The following MAP1LC3B variants were observed in gnomAD, a reference collection of about 807,000 sequenced individuals.
The protein encoded by MAP1LC3B is microtubule-associated protein 1 light chain 3 beta.
Under a neutral mutation model 16.7 loss-of-function variants are expected in MAP1LC3B, and 12 were observed. The observed-to-expected ratio is 0.72, with a 90% CI of 0.46 to 1.16. The LOEUF (loss-of-function observed/expected upper bound fraction) is 1.16, where lower values mean the gene tolerates loss of function less well. Ranked by LOEUF, MAP1LC3B falls within the 50% of genes most tolerant of loss-of-function variation. MAP1LC3B has a pLI of 0.00. For missense variants in MAP1LC3B, 155 were observed against 159.5 expected, an observed-to-expected ratio of 0.97 and a Z score of 0.15; for synonymous variants, 63 against 56.5, an observed-to-expected ratio of 1.11 and a Z score of -0.51.
At chr16:87,400,613 TC>T (rs1305285461) in intron 2 of MAP1LC3B, among the ~76,000 whole-genome samples, 2 of 152,206 alleles carry the variant, frequency 1.3e-5, no homozygotes, top group Non-Finnish European at 2.9e-5. Context: ...TATAATTTTT[TC>T]ATGTCAACTA....
Position 87,392,395 on chromosome 16 carries a change from C to G in MAP1LC3B, c.-33C>G, listed in dbSNP as rs763524478. On this transcript the variant is annotated 5_prime_UTR_variant, in exon 1 of 4. Coordinates refer to ENST00000268607, the MANE Select transcript of MAP1LC3B (RefSeq NM_022818.5). ...CCGGGAGCCGCCGGGACCCTCGCGT[C>G]GTCGCCGCCGCCGCCGCCCAGATCC... is the stretch of plus-strand genomic sequence containing the variant. The G allele has an allele frequency of 1.1e-4, 149 of 1,416,414 alleles. 2 individuals are homozygous for G. The East Asian group carries it at 1.7e-3, about 16-fold the overall frequency. 87.7% of individuals were successfully genotyped at this position (1,416,414 alleles called of 1,614,324 possible). A position where few individuals can be genotyped will look rare whatever the true frequency, so the allele number is the denominator to read the frequency against.
chr16:87,393,308 C>G (rs924829125), intron 1 of MAP1LC3B: 2 of 152,220 alleles, frequency 1.3e-5, no homozygotes, highest in Non-Finnish European at 2.9e-5. Context: ...CAAGAGAACG[C>G]CGCAGATCCA....
chr16:87,402,172 C>T lies in MAP1LC3B; in HGVS notation c.97-3C>T. On this transcript the variant is annotated splice_polypyrimidine_tract_variant and splice_region_variant and intron_variant, in intron 2 of 3. Coordinates refer to ENST00000268607, the MANE Select transcript of MAP1LC3B (RefSeq NM_022818.5). ...TTAAAATCACTTCTGGCTTCTTTTC[C>T]AGGTGATAATAGAACGATACAAGGG... The T allele has an allele frequency of 6.2e-7, 1 of 1,613,858 alleles. No individual in the cohort carries two copies. The highest frequency in any genetic ancestry group is 2.2e-5 in the East Asian group (1 of 44,870).
chr16:87,402,977 C>G lies in MAP1LC3B; in HGVS notation c.258C>G (p.His86Gln). The change falls in exon 4 of 4, where the codon CAC becomes CAG. Residue 86 changes from histidine to glutamine, a missense_variant. Physicochemically the swap from His to Gln is conservative, Grantham distance 24 (BLOSUM62 0). Transcript: ENST00000268607. ...NQAFFLLVNG[H>Q]SMVSVSTPIS... Reference sequence around the variant, plus strand: ...CCTTCTTCCTGTTGGTGAACGGACACAGCATGGTCAGCGTCTCCACACCAA... The same window carrying G: ...CCTTCTTCCTGTTGGTGAACGGACAGAGCATGGTCAGCGTCTCCACACCAA... 6.2e-7 allele frequency: 1 copy of G among 1,614,004 alleles called. No homozygotes were observed. The highest frequency in any genetic ancestry group is 8.5e-7 in the Non-Finnish European group (1 of 1,179,906).
At chr16:87,397,959 A>G (rs1172770576) in intron 1 of MAP1LC3B, among the ~76,000 whole-genome samples, 2 of 145,962 alleles carry the variant, frequency 1.4e-5, no homozygotes, top group Non-Finnish European at 3.0e-5. Flanking sequence ...TTTTCCCTGT[A>G]TTGCCCACAG....
chr16:87,398,728 G>A (rs745508066), intron 1 of MAP1LC3B, 87 bp from the exon 2 acceptor site: 1 of 1,190,630 alleles, frequency 8.4e-7, no homozygotes, highest in Non-Finnish European at 1.2e-6. Flanking sequence ...ACAGCTAGCA[G>A]CTGAACTTGG....
intron 2 of MAP1LC3B, chr16:87,399,441 C>G (rs1907910292): frequency 3.2e-6 from 1 of 316,154 alleles, no homozygotes; most frequent in Non-Finnish European, 6.3e-6. Flanking sequence ...AGCTCTCAAA[C>G]TTACCAAGGA....
Position 87,403,231 on chromosome 16 carries a change from T to C in MAP1LC3B, c.*134T>C. 4.6e-6 allele frequency: 5 copies of C among 1,081,070 alleles called. No individual in the cohort carries two copies. The highest frequency in any genetic ancestry group is 5.2e-6 in the Non-Finnish European group (4 of 771,036). 67.0% of individuals were successfully genotyped at this position (1,081,070 alleles called of 1,614,324 possible). A position where few individuals can be genotyped will look rare whatever the true frequency, so the allele number is the denominator to read the frequency against. On this transcript the variant is annotated 3_prime_UTR_variant, in exon 4 of 4. Transcript: ENST00000268607. ...CAGTAGTGTTCCCACCTAGGAGTGT[T>C]AGGAAGTTGTGTTTGTGTTTCAAGC... is the stretch of plus-strand genomic sequence containing the variant.
At chr16:87,392,913 G>A (rs1308018822) in intron 1 of MAP1LC3B, 1 of 152,010 alleles carries the variant, frequency 6.6e-6, no homozygotes. Context: ...GCTCTGAAGC[G>A]GGGCTGCGCC....
At chr16:87,396,084 C>T (rs1180391437) in intron 1 of MAP1LC3B, among the ~76,000 whole-genome samples, 2 of 151,244 alleles carry the variant, frequency 1.3e-5, no homozygotes, top group Non-Finnish European at 2.9e-5. Context: ...TGGTCTCTAA[C>T]TCCTGACCTC....
At chr16:87,399,118 C>A in intron 2 of MAP1LC3B, 1 of 496,146 alleles carries the variant, frequency 2.0e-6, no homozygotes, top group Non-Finnish European at 3.7e-6. Context: ...GCAGTCCTCC[C>A]TCCTCAGCCT....
intron 2 of MAP1LC3B, chr16:87,399,909 G>C (rs1338885770): frequency 4.6e-6 from 1 of 215,238 alleles, no homozygotes; most frequent in African/African-American, 2.3e-5. Flanking sequence ...GAATAGCTGG[G>C]ACTACAGGCA....
chr16:87,392,472 G>C lies in MAP1LC3B; in HGVS notation c.40+5G>C. ...TCAAGCAGCGCCGCACCTTCGGTGA[G>C]TGTCGCCGCGAGGGCGGCGGGTGCG... On this transcript the variant is annotated splice_donor_5th_base_variant and intron_variant, in intron 1 of 3. Coordinates refer to ENST00000268607, the MANE Select transcript of MAP1LC3B (RefSeq NM_022818.5). 11 of 1,323,048 alleles carry C rather than the reference G, an allele frequency of 8.3e-6. No homozygotes were observed. Among genetic ancestry groups the C allele is most frequent in the Non-Finnish European group, 1.1e-5 (11 of 1,041,924 alleles). 82.0% of individuals were successfully genotyped at this position (1,323,048 alleles called of 1,614,324 possible).
At chr16:87,394,640 T>A (rs1907736232) in intron 1 of MAP1LC3B, among the ~76,000 whole-genome samples, 1 of 152,230 alleles carries the variant, frequency 6.6e-6, no homozygotes, top group Non-Finnish European at 1.5e-5. Context: ...TCTGGACTGG[T>A]ACCTTTAACC....
At chr16:87,400,510 G>T (rs1907954386) in intron 2 of MAP1LC3B, among the ~76,000 whole-genome samples, 1 of 151,978 alleles carries the variant, frequency 6.6e-6, no homozygotes, top group African/African-American at 2.4e-5. Flanking sequence ...CTCATTTAAA[G>T]AAATATGTTA....
rs952353391 is a variant in MAP1LC3B at position 87,397,240 on chromosome 16, A to G, written c.41-1575A>G. Among the ~76,000 whole-genome samples the G allele has an allele frequency of 3.9e-5, 6 of 152,204 alleles. No individual in the cohort carries two copies. In the East Asian group the frequency reaches 1.2e-3, roughly 29 times the overall value. On this transcript the variant is annotated intron_variant, in intron 1 of 3. Coordinates refer to ENST00000268607, the MANE Select transcript of MAP1LC3B (RefSeq NM_022818.5). ...ATTTAGCAATGTATCTTAGAAGCTGATTTTAAAGTTTTGGATGGGGAAACA... is the reference window on the plus strand; with the variant it reads ...ATTTAGCAATGTATCTTAGAAGCTGGTTTTAAAGTTTTGGATGGGGAAACA...
chr16:87,399,942 T>C (rs1907929060), intron 2 of MAP1LC3B: 1 of 183,444 alleles, frequency 5.5e-6, no homozygotes, highest in African/African-American at 2.4e-5. Flanking sequence ...CCCAGCTAAT[T>C]TTTGTATTTT....
chr16:87,398,711 C>G, intron 1 of MAP1LC3B, 104 bp from the exon 2 acceptor site: 1 of 959,074 alleles, frequency 1.0e-6, no homozygotes, highest in Non-Finnish European at 1.7e-6. Flanking sequence ...CAGTGTTCTG[C>G]TGTGCCACAG....
rs999872289 is a variant in MAP1LC3B at position 87,392,368 on chromosome 16, C to G, written c.-60C>G. 1 of 1,376,354 alleles carries G rather than the reference C, an allele frequency of 7.3e-7. No homozygotes were observed. Among genetic ancestry groups the G allele is most frequent in the African/African-American group, 1.5e-5 (1 of 65,010 alleles). 85.3% of individuals were successfully genotyped at this position (1,376,354 alleles called of 1,614,324 possible). A position where few individuals can be genotyped will look rare whatever the true frequency, so the allele number is the denominator to read the frequency against. On this transcript the variant is annotated 5_prime_UTR_variant, in exon 1 of 4. Coordinates refer to ENST00000268607, the MANE Select transcript of MAP1LC3B (RefSeq NM_022818.5). Reference sequence around the variant, plus strand: ...GATTCGCCGCCGCAGCAGCCGCCGCCCCCGGGAGCCGCCGGGACCCTCGCG... The same window carrying G: ...GATTCGCCGCCGCAGCAGCCGCCGCGCCCGGGAGCCGCCGGGACCCTCGCG...
Sources: allele counts gnomAD v4.1 joint callset (sites outside exome capture counted in the v4.1 genomes callset), GRCh38; gene constraint gnomAD v4.1.1; transcripts MANE v1.5; gene names NCBI Gene and HGNC (gene_info 2026-07-23, HGNC 2026-07-21).